Variants in DYM observed in about 807,000 individuals in gnomAD.
DYM encodes dymeclin.
Under a neutral mutation model 93.1 loss-of-function variants are expected in DYM, and 78 were observed. That is an observed-to-expected ratio of 0.84 (90% CI 0.70 to 1.01). DYM has a LOEUF of 1.01. Among genes scored for constraint, DYM ranks in the 50% least tolerant of loss-of-function variants. The pLI, the probability that DYM is intolerant of heterozygous loss-of-function variation, is 0.00. For synonymous variants in DYM, 321 were observed against 319.7 expected, an observed-to-expected ratio of 1.00 and a Z score of -0.04; for missense variants, 789 against 845.0, an observed-to-expected ratio of 0.93 and a Z score of 0.82.
intron 13 of DYM, among the ~76,000 whole-genome samples, chr18:49,243,666 C>CAAAAAAAAAAAA (rs59748721): frequency 8.8e-6 from 1 of 114,228 alleles, no homozygotes; most frequent in Non-Finnish European, 1.7e-5. Context: ...GGCTCTGTCT[C>CAAAAAAAAAAAA]AAAAAAAAAA....
chr18:49,440,445 ATATAT>A (rs1469709312), intron 1 of DYM, among the ~76,000 whole-genome samples: 1 of 111,070 alleles, frequency 9.0e-6, no homozygotes, highest in African/African-American at 3.4e-5. Context: ...TAAAGTGACT[ATATAT>A]TATATATTTA....
chr18:49,439,794 G>C (rs1167307943), intron 1 of DYM, among the ~76,000 whole-genome samples: 1 of 152,010 alleles, frequency 6.6e-6, no homozygotes, highest in African/African-American at 2.4e-5. Flanking sequence ...TCCAGAAGCT[G>C]AGTTCAAGAC....
chr18:49,402,143 T>G (rs533267450), intron 2 of DYM, among the ~76,000 whole-genome samples: 1 of 151,998 alleles, frequency 6.6e-6, no homozygotes, highest in Non-Finnish European at 1.5e-5. Context: ...ATGAAGAGAA[T>G]CTCCCTAGGG....
chr18:49,303,792 G>A (rs941564400), intron 8 of DYM, among the ~76,000 whole-genome samples: 3 of 152,142 alleles, frequency 2.0e-5, no homozygotes, highest in South Asian at 2.1e-4. Context: ...TTACTACTAT[G>A]ATTAATACCA....
chr18:49,084,326 CTG>C (rs1222042668), intron 17 of DYM, among the ~76,000 whole-genome samples: 2 of 152,058 alleles, frequency 1.3e-5, no homozygotes, highest in African/African-American at 2.4e-5. Flanking sequence ...ATAAACATAT[CTG>C]TTTGATTTCA....
At chr18:49,251,113 G>C (rs757877592) in intron 13 of DYM, among the ~76,000 whole-genome samples, 12 of 152,210 alleles carry the variant, frequency 7.9e-5, no homozygotes, top group Non-Finnish European at 1.3e-4. Context: ...ATGTCCCCTG[G>C]GGGGCAAAAT....
At chr18:49,372,571 C>T (rs374234430) in intron 5 of DYM, among the ~76,000 whole-genome samples, 25 of 152,046 alleles carry the variant, frequency 1.6e-4, no homozygotes, top group East Asian at 5.8e-4. Context: ...GGCAAAACTC[C>T]GTCTCTACTA....
chr18:49,195,255 T>A (rs1016745740), intron 14 of DYM, among the ~76,000 whole-genome samples: 3 of 152,208 alleles, frequency 2.0e-5, no homozygotes, highest in Non-Finnish European at 4.4e-5. Context: ...AAAATTAAGT[T>A]TTCTCCTTTT....
intron 6 of DYM, among the ~76,000 whole-genome samples, chr18:49,361,263 T>C (rs1001735476): frequency 5.9e-5 from 9 of 152,184 alleles, no homozygotes; most frequent in Admixed American, 2.0e-4. Context: ...CCTGGGTGCA[T>C]ACCACCAGGC....
intron 3 of DYM, among the ~76,000 whole-genome samples, chr18:49,388,345 T>TA (rs574771738): frequency 2.2e-3 from 326 of 147,388 alleles, no homozygotes; most frequent in African/African-American, 7.7e-3. Flanking sequence ...AAAATAAAAA[T>TA]AAAAAAAAGG....
At chr18:49,100,419 G>A (rs542058491) in intron 16 of DYM, among the ~76,000 whole-genome samples, 2 of 152,136 alleles carry the variant, frequency 1.3e-5, no homozygotes, top group East Asian at 1.9e-4. Context: ...GTAATGCAAT[G>A]ACAGTTTTGC....
chr18:49,290,062 C>T (rs188775851), intron 8 of DYM, among the ~76,000 whole-genome samples: 2 of 150,632 alleles, frequency 1.3e-5, no homozygotes. Flanking sequence ...ATGAGCCCAG[C>T]AATTCTTTTT....
rs120074162 is a variant in DYM at position 49,378,592 on chromosome 18, A to G, written c.396T>C (p.Tyr132=). 1.9e-6 allele frequency: 3 copies of G among 1,611,986 alleles called. No individual in the cohort carries two copies. The South Asian group carries it at 3.3e-5, about 18-fold the overall frequency. ...TGTAATTGCCAGGAGATTTTTCTTC[A>G]TAAGTAAAATGAAGTTGTAATTCCT... is the stretch of plus-strand genomic sequence containing the variant. ...SEEELQLHFT[Y]EEKSPGNYSS... Residue 132 remains tyrosine (Y), a synonymous_variant, in exon 5 of 18, where the codon TAT becomes TAC. Coordinates refer to ENST00000675505, the MANE Select transcript of DYM (RefSeq NM_001353214.3).
At chr18:49,197,899 C>CT (rs2091626164) in intron 14 of DYM, among the ~76,000 whole-genome samples, 1 of 152,134 alleles carries the variant, frequency 6.6e-6, no homozygotes, top group East Asian at 1.9e-4. Flanking sequence ...TCATATGGAA[C>CT]CAAAAAAGAG....
intron 10 of DYM, among the ~76,000 whole-genome samples, chr18:49,275,694 T>G (rs368897368): frequency 6.6e-6 from 1 of 152,072 alleles, no homozygotes; most frequent in Non-Finnish European, 1.5e-5. Flanking sequence ...CTGGGCAACA[T>G]AGCAAGACCC....
intron 14 of DYM, among the ~76,000 whole-genome samples, chr18:49,200,452 A>G (rs2091898294): frequency 6.6e-6 from 1 of 151,896 alleles, no homozygotes. Context: ...AATAGAAAAT[A>G]GCAGTATAGA....
At chr18:49,430,727 A>C (rs2074733221) in intron 1 of DYM, among the ~76,000 whole-genome samples, 3 of 152,130 alleles carry the variant, frequency 2.0e-5, no homozygotes, top group African/African-American at 7.2e-5. Context: ...TCTACTAAAA[A>C]TACAAAACTT....
At chr18:49,317,594 TCTCCCCCCTCCCCCCTCCCTCCCTCCCTC>T (rs2062059195) in intron 8 of DYM, among the ~76,000 whole-genome samples, 3 of 28,042 alleles carry the variant, frequency 1.1e-4, no homozygotes, top group African/African-American at 5.0e-4. Context: ...TCTCTCTCTC[TCTCCCCCCTCCCCCCTCCCTCCCTCCCTC>T]CCTCCCTCTC....
chr18:49,133,996 T>G (rs371307823), intron 15 of DYM, among the ~76,000 whole-genome samples: 3 of 152,264 alleles, frequency 2.0e-5, no homozygotes, highest in South Asian at 4.1e-4. Context: ...AGCAATACCA[T>G]GAAGCTATTA....
Sources: allele counts gnomAD v4.1 joint callset (sites outside exome capture counted in the v4.1 genomes callset), GRCh38; gene constraint gnomAD v4.1.1; transcripts MANE v1.5; gene names NCBI Gene and HGNC (gene_info 2026-07-23, HGNC 2026-07-21).